The following SPOP variants were observed in gnomAD, a reference collection of about 807,000 sequenced individuals.
SPOP encodes speckle type BTB/POZ protein, also known as speckle-type POZ protein.
A neutral mutation model predicts 45.6 loss-of-function variants in SPOP; 11 were observed. The observed-to-expected ratio is 0.24, with a 90% CI of 0.15 to 0.40. The LOEUF is 0.40. Ranked by LOEUF, SPOP falls within the 10% of genes least tolerant of loss-of-function variation. The pLI, the probability that SPOP is intolerant of heterozygous loss-of-function variation, is 1.00. For missense variants in SPOP, 152 were observed against 465.6 expected, an observed-to-expected ratio of 0.33 and a Z score of 6.20; for synonymous variants, 166 against 166.3, an observed-to-expected ratio of 1.00 and a Z score of 0.01.
intron 1 of SPOP, among the ~76,000 whole-genome samples, chr17:49,635,816 TA>T (rs1289099799): frequency 1.3e-5 from 2 of 151,840 alleles, no homozygotes; most frequent in Non-Finnish European, 2.9e-5. Flanking sequence ...GTATTTTTAG[TA>T]GAGATGGGGT....
intron 1 of SPOP, among the ~76,000 whole-genome samples, chr17:49,661,184 C>T (rs10514971): frequency 0.15 from 22,278 of 152,084 alleles, 2,121 homozygotes; most frequent in Non-Finnish European, 0.21. Context: ...TGAAAGCACA[C>T]CCTAATCATG....
In SPOP at chr17:49,619,205, A is replaced by T. The variant is rs1208812624; in HGVS notation, c.352+29T>A. 7 of 1,613,956 alleles carry T rather than the reference A, an allele frequency of 4.3e-6. No homozygotes were observed. The highest frequency in any genetic ancestry group is 4.2e-6 in the Non-Finnish European group (5 of 1,179,886). ...TATGAAACTTCTGGATGTGAAACTT[A>T]AGAGTTGAACAAAGAGGAGAACATT... On this transcript the variant is annotated intron_variant, in intron 4 of 9. Coordinates refer to ENST00000504102, the MANE Select transcript of SPOP (RefSeq NM_001007228.2). This position sits in a 1 kb window ranked among gnomAD's most constrained non-coding sequence, Gnocchi z 4.9.
intron 1 of SPOP, among the ~76,000 whole-genome samples, chr17:49,658,455 A>C (rs2072944485): frequency 6.6e-6 from 1 of 152,212 alleles, no homozygotes; most frequent in Admixed American, 6.5e-5. Flanking sequence ...TTTACTACTA[A>C]CACCACCAAT....
chr17:49,636,774 G>GGA (rs1187821124), intron 1 of SPOP: 2 of 152,080 alleles, frequency 1.3e-5, no homozygotes, highest in Non-Finnish European at 2.9e-5. Flanking sequence ...TAAGTCAGTA[G>GGA]GAAAACTCTA....
chr17:49,612,711 G>GTTGTTA (rs2072000447), intron 5 of SPOP: 1 of 152,204 alleles, frequency 6.6e-6, no homozygotes, highest in South Asian at 2.1e-4. Context: ...CCTAACAATT[G>GTTGTTA]TTGTTATGCT....
chr17:49,608,793 A>T (rs560021754), intron 6 of SPOP, among the ~76,000 whole-genome samples: 2 of 152,342 alleles, frequency 1.3e-5, no homozygotes, highest in South Asian at 4.1e-4. Context: ...ACGATTACCT[A>T]AGAGTGAAAG....
chr17:49,602,458 T>C (rs2071758349), intron 8 of SPOP: 1 of 156,152 alleles, frequency 6.4e-6, no homozygotes, highest in South Asian at 1.9e-4. Flanking sequence ...AAAGAATTGG[T>C]GTCTACCCTG....
At chr17:49,665,649 GACACACACAC>G (rs71352530) in intron 1 of SPOP, among the ~76,000 whole-genome samples, 11,941 of 126,726 alleles carry the variant, frequency 0.094, 587 homozygotes, top group South Asian at 0.13. Flanking sequence ...TATATATACA[GACACACACAC>G]ACACACACAC....
chr17:49,623,280 T>C (rs1484159272), intron 1 of SPOP, among the ~76,000 whole-genome samples: 1 of 152,128 alleles, frequency 6.6e-6, no homozygotes, highest in Non-Finnish European at 1.5e-5. Context: ...AGTGCTGAGA[T>C]TACAGGCGTG....
chr17:49,625,985 A>G (rs1398850685), intron 1 of SPOP, among the ~76,000 whole-genome samples: 1 of 152,224 alleles, frequency 6.6e-6, no homozygotes, highest in African/African-American at 2.4e-5. Context: ...TACTTTTTGT[A>G]GTGTTCTGCT....
At chr17:49,677,767 G>A (rs1005925626) in intron 1 of SPOP, among the ~76,000 whole-genome samples, 166 bp downstream of exon 1, 12 of 149,594 alleles carry the variant, frequency 8.0e-5, no homozygotes, top group African/African-American at 2.9e-4. Context: ...TTCGGCTCTG[G>A]CATTCGCAGG....
At chr17:49,673,873 G>A (rs192602007) in intron 1 of SPOP, among the ~76,000 whole-genome samples, 20 of 152,192 alleles carry the variant, frequency 1.3e-4, no homozygotes, top group African/African-American at 2.7e-4. Flanking sequence ...TGGGCCGGGC[G>A]TGGTGGCTCA....
intron 5 of SPOP, among the ~76,000 whole-genome samples, chr17:49,615,385 T>G (rs974973098): frequency 2.6e-5 from 4 of 152,188 alleles, no homozygotes; most frequent in Non-Finnish European, 4.4e-5. Flanking sequence ...TATAAATAAT[T>G]GGAGAAAAGG....
At chr17:49,617,923 CAAAAA>C (rs907445153) in intron 5 of SPOP, among the ~76,000 whole-genome samples, 1 of 55,884 alleles carries the variant, frequency 1.8e-5, no homozygotes, top group African/African-American at 6.3e-5. Context: ...GACTCCGTCT[CAAAAA>C]AAAAAAAAAA....
chr17:49,664,865 T>C (rs2073032628), intron 1 of SPOP, among the ~76,000 whole-genome samples: 1 of 152,242 alleles, frequency 6.6e-6, no homozygotes, highest in East Asian at 1.9e-4. Context: ...TGCTACTGTT[T>C]TGGTTCCAGC....
chr17:49,663,458 C>T (rs895006888), intron 1 of SPOP, among the ~76,000 whole-genome samples: 23 of 152,202 alleles, frequency 1.5e-4, no homozygotes, highest in Admixed American at 6.5e-5. Flanking sequence ...TCGAACTGTA[C>T]TACAGTCATT....
rs2071694704 is a variant in SPOP, at chr17:49,599,212, C to G, written c.*1166G>C. 1 of 221,292 alleles carries G rather than the reference C, an allele frequency of 4.5e-6. No individual in the cohort carries two copies. The highest frequency in any genetic ancestry group is 2.2e-5 in the African/African-American group (1 of 44,598). 13.7% of individuals were successfully genotyped at this position (221,292 alleles called of 1,614,324 possible). Reference sequence around the variant, plus strand: ...AAGCTGAAAACTAGGACTTCAAAATCCCTTAAGCAAGGGACTCAGACCCAA... The same window carrying G: ...AAGCTGAAAACTAGGACTTCAAAATGCCTTAAGCAAGGGACTCAGACCCAA... On this transcript the variant is annotated 3_prime_UTR_variant, in exon 10 of 10. Transcript: ENST00000504102.
chr17:49,657,395 C>G (rs2072927376), intron 1 of SPOP, among the ~76,000 whole-genome samples: 2 of 151,954 alleles, frequency 1.3e-5, no homozygotes, highest in South Asian at 4.2e-4. Context: ...CGATGTTCAT[C>G]ACAGCAAATT....
chr17:49,657,100 T>C (rs931794680), intron 1 of SPOP, among the ~76,000 whole-genome samples: 1 of 151,336 alleles, frequency 6.6e-6, no homozygotes, highest in Non-Finnish European at 1.5e-5. Flanking sequence ...CAGGAGAATG[T>C]GGTGAACCTG....
Sources: gnomAD v4.1 joint callset for allele counts (sites outside exome capture counted in the v4.1 genomes callset) on GRCh38, gnomAD v4.1.1 for gene constraint, Gnocchi (gnomAD v3.1) non-coding constraint, MANE v1.5 for transcripts, NCBI Gene and HGNC (gene_info 2026-07-23, HGNC 2026-07-21) for gene names.